Variants in SPAG16 observed in about 807,000 individuals in gnomAD.
SPAG16 encodes the protein sperm associated antigen 16.
In SPAG16, 86 loss-of-function variants were observed where a neutral mutation model predicts 80.4. That is an observed-to-expected ratio of 1.07 (90% confidence interval 0.90 to 1.28). SPAG16 has a LOEUF of 1.28. Among genes scored for constraint, SPAG16 ranks in the 50% most tolerant of loss-of-function variants. The pLI is 0.00. For missense variants in SPAG16, 870 were observed against 765.3 expected, an observed-to-expected ratio of 1.14 and a Z score of -1.61; for synonymous variants, 294 against 265.9, an observed-to-expected ratio of 1.11 and a Z score of -1.03.
At chr2:214,383,310 C>T (rs1700559086) in intron 15 of SPAG16, among the ~76,000 whole-genome samples, 1 of 152,094 alleles carries the variant, frequency 6.6e-6, no homozygotes, top group Non-Finnish European at 1.5e-5. Context: ...CAGTGGCTCA[C>T]CTCTGCAATC....
intron 10 of SPAG16, among the ~76,000 whole-genome samples, chr2:213,799,700 A>G (rs2071260819): frequency 6.6e-6 from 1 of 152,168 alleles, no homozygotes. Flanking sequence ...TATAACATAA[A>G]TGATTACTTG....
intron 10 of SPAG16, among the ~76,000 whole-genome samples, chr2:213,556,323 A>AC (rs1458271774): frequency 4.6e-5 from 7 of 151,030 alleles, no homozygotes; most frequent in Admixed American, 2.0e-4. Context: ...AAAAAAAAAA[A>AC]AAAACAAGAT....
At chr2:213,892,593 A>C (rs1211422307) in intron 11 of SPAG16, among the ~76,000 whole-genome samples, 1 of 152,124 alleles carries the variant, frequency 6.6e-6, no homozygotes, top group Non-Finnish European at 1.5e-5. Context: ...ATATATCAGA[A>C]AAATTTAATA....
chr2:213,339,387 T>C (rs1343952670), intron 5 of SPAG16, among the ~76,000 whole-genome samples: 1 of 152,230 alleles, frequency 6.6e-6, no homozygotes, highest in Non-Finnish European at 1.5e-5. Context: ...CTTTGTCAGT[T>C]ATCTGAGGCT....
intron 13 of SPAG16, among the ~76,000 whole-genome samples, chr2:214,066,093 A>G (rs145869448): frequency 6.6e-6 from 1 of 152,254 alleles, no homozygotes; most frequent in African/African-American, 2.4e-5. Flanking sequence ...CACTATCACC[A>G]TATTTATCTT....
intron 15 of SPAG16, among the ~76,000 whole-genome samples, chr2:214,320,804 A>G (rs1002097329): frequency 6.6e-6 from 1 of 152,224 alleles, no homozygotes; most frequent in Non-Finnish European, 1.5e-5. Flanking sequence ...GTGGATGACA[A>G]TTCAAGATGA....
chr2:213,720,722 G>A (rs1338138052), intron 10 of SPAG16, among the ~76,000 whole-genome samples: 1 of 149,206 alleles, frequency 6.7e-6, no homozygotes, highest in Non-Finnish European at 1.5e-5. Flanking sequence ...ATGTAGCCAA[G>A]TGCCTGGCCG....
chr2:213,688,921 T>A (rs1423624885), intron 10 of SPAG16, among the ~76,000 whole-genome samples: 1 of 152,196 alleles, frequency 6.6e-6, no homozygotes, highest in African/African-American at 2.4e-5. Context: ...TAATCTTTCC[T>A]CTCATTTTTT....
intron 15 of SPAG16, among the ~76,000 whole-genome samples, chr2:214,293,346 G>A (rs1391770126): frequency 6.6e-6 from 1 of 152,174 alleles, no homozygotes; most frequent in Non-Finnish European, 1.5e-5. Flanking sequence ...GGCTCATATG[G>A]GTTAGTGTCT....
At position 214,010,183 on chromosome 2, in the gene SPAG16, C is replaced by CT. The variant is rs1448803193; in HGVS notation, c.1401-3767dup. ...TGAAAAAGATCAGGAAACAAGTGAA[C>CT]TAGAAAACAGAAATAAAAGCTTTTG... On this transcript the variant is annotated intron_variant, in intron 12 of 15. Transcript: ENST00000331683. 4.8e-5 allele frequency among the ~76,000 whole-genome samples: 7 copies of CT among 145,370 alleles called. 1 individual carries two copies. The highest frequency in any genetic ancestry group is 7.5e-5 in the Non-Finnish European group (5 of 67,106).
intron 1 of SPAG16, among the ~76,000 whole-genome samples, chr2:213,287,312 G>T (rs1205199251): frequency 6.6e-6 from 1 of 152,168 alleles, no homozygotes; most frequent in Non-Finnish European, 1.5e-5. Flanking sequence ...AACACAACTT[G>T]GGTGAGGTTT....
intron 13 of SPAG16, among the ~76,000 whole-genome samples, chr2:214,054,857 A>G (rs1174761690): frequency 2.0e-5 from 3 of 152,224 alleles, no homozygotes; most frequent in Non-Finnish European, 4.4e-5. Flanking sequence ...TAATGTAAAT[A>G]TATGACAATT....
At chr2:214,318,292 C>T (rs966388173) in intron 15 of SPAG16, among the ~76,000 whole-genome samples, 1 of 150,412 alleles carries the variant, frequency 6.6e-6, no homozygotes, top group African/African-American at 2.4e-5. Context: ...AGACTTTTAA[C>T]GTAAGCAGTA....
chr2:214,321,768 A>T (rs1304427429), intron 15 of SPAG16, among the ~76,000 whole-genome samples: 1 of 152,210 alleles, frequency 6.6e-6, no homozygotes, highest in Non-Finnish European at 1.5e-5. Flanking sequence ...AACACTGTAA[A>T]TGAACTCTGT....
chr2:214,121,549 A>T (rs2054221335), intron 14 of SPAG16, among the ~76,000 whole-genome samples: 1 of 151,884 alleles, frequency 6.6e-6, no homozygotes, highest in South Asian at 2.1e-4. Context: ...AATGAGTGAC[A>T]AAAGAACAGA....
chr2:213,957,695 G>A (rs115627073), intron 12 of SPAG16, among the ~76,000 whole-genome samples: 1,967 of 151,790 alleles, frequency 0.013, 40 homozygotes, highest in African/African-American at 0.045. Context: ...GTCTTCTTTT[G>A]TGTTTAGTTG....
In SPAG16 at chr2:213,756,833, A is replaced by G. The variant is rs558713450; in HGVS notation, c.1071-105652A>G. On this transcript the variant is annotated intron_variant, in intron 10 of 15. Transcript: ENST00000331683. ...AATTAAATGATGTAATAACTGTTAT[A>G]TTCAGCTAATATCTCAATGATGGCT... 7.9e-5 allele frequency among the ~76,000 whole-genome samples: 12 copies of G among 152,316 alleles called. No individual in the cohort carries two copies. The South Asian group carries it at 1.9e-3, about 24-fold the overall frequency.
chr2:214,015,608 A>G (rs2047554710), intron 13 of SPAG16, among the ~76,000 whole-genome samples: 1 of 151,494 alleles, frequency 6.6e-6, no homozygotes, highest in African/African-American at 2.4e-5. Context: ...CAGAAAAAAA[A>G]AAAAATCAAA....
intron 10 of SPAG16, among the ~76,000 whole-genome samples, chr2:213,643,231 T>TTTTG (rs892203792): frequency 2.1e-4 from 31 of 149,540 alleles, no homozygotes; most frequent in East Asian, 4.0e-4. Context: ...TAAAACTTGT[T>TTTTG]TTTGTTTGTT....
Sources: allele counts gnomAD v4.1 joint callset (sites outside exome capture counted in the v4.1 genomes callset), GRCh38; gene constraint gnomAD v4.1.1; transcripts MANE v1.5; gene names NCBI Gene and HGNC (gene_info 2026-07-23, HGNC 2026-07-21).